NCAM2: variants seen among roughly 807,000 people sequenced by gnomAD.
NCAM2 encodes neural cell adhesion molecule 2.
A neutral mutation model predicts 98.1 loss-of-function variants in NCAM2; 30 were observed. The observed-to-expected ratio is 0.31, with a 90% CI of 0.23 to 0.41. The LOEUF (loss-of-function observed/expected upper bound fraction) is 0.41. Ranked by LOEUF, NCAM2 falls within the 10% of genes least tolerant of loss-of-function variation. The probability of loss-of-function intolerance (pLI) is 1.00; values close to 1 mark genes in which losing one functional copy is unlikely to be tolerated. For synonymous variants in NCAM2, 368 were observed against 342.4 expected, an observed-to-expected ratio of 1.07 and a Z score of -0.83; for missense variants, 867 against 1,005.8, an observed-to-expected ratio of 0.86 and a Z score of 1.87.
chr21:21,056,645 C>A (rs1024660943), intron 1 of NCAM2, among the ~76,000 whole-genome samples: 3 of 151,882 alleles, frequency 2.0e-5, no homozygotes, highest in Non-Finnish European at 2.9e-5. Context: ...AGAGGTGTGA[C>A]ATGGCTCTCC....
At chr21:21,222,249 A>T (rs1159772998) in intron 1 of NCAM2, among the ~76,000 whole-genome samples, 1 of 152,190 alleles carries the variant, frequency 6.6e-6, no homozygotes, top group African/African-American at 2.4e-5. Flanking sequence ...TGTTGTTTTC[A>T]TGCCTGCTAA....
chr21:21,505,318 C>G (rs1281810419), intron 15 of NCAM2, among the ~76,000 whole-genome samples: 1 of 151,996 alleles, frequency 6.6e-6, no homozygotes, highest in Admixed American at 6.6e-5. Flanking sequence ...CACAAGTGAT[C>G]ACACAGTGAG....
chr21:21,425,355 A>C (rs1030096719), intron 11 of NCAM2, among the ~76,000 whole-genome samples: 1 of 152,160 alleles, frequency 6.6e-6, no homozygotes, highest in Non-Finnish European at 1.5e-5. Context: ...TCACTCTTCA[A>C]AATTTTTTTC....
rs1173113392 is a variant in NCAM2, at chr21:21,538,564, A to G, written c.*607A>G. ...AGTGCATTTTCAACATTGATTTTTG[A>G]TAGACTGAAGTGCCAGATCAAAATT... On this transcript the variant is annotated 3_prime_UTR_variant, in exon 18 of 18. Transcript: ENST00000400546. 2.0e-5 allele frequency: 3 copies of G among 152,630 alleles called. No individual in the cohort carries two copies. The highest frequency in any genetic ancestry group is 4.4e-5 in the Non-Finnish European group (3 of 67,998). 9.5% of individuals were successfully genotyped at this position (152,630 alleles called of 1,614,324 possible). A position where few individuals can be genotyped will look rare whatever the true frequency, so the allele number is the denominator to read the frequency against.
chr21:21,060,885 G>A (rs1363906345), intron 1 of NCAM2, among the ~76,000 whole-genome samples: 1 of 152,054 alleles, frequency 6.6e-6, no homozygotes, highest in Non-Finnish European at 1.5e-5. Context: ...CCAGGGCCCA[G>A]GTAAAGAGAT....
chr21:21,380,276 GT>G (rs1267574260), intron 9 of NCAM2, among the ~76,000 whole-genome samples: 1 of 152,034 alleles, frequency 6.6e-6, no homozygotes, highest in African/African-American at 2.4e-5. Context: ...ACATTAAGAG[GT>G]ATTAAAATCT....
At chr21:21,258,907 G>A (rs1463308270) in intron 1 of NCAM2, among the ~76,000 whole-genome samples, 1 of 152,110 alleles carries the variant, frequency 6.6e-6, no homozygotes, top group Non-Finnish European at 1.5e-5. Flanking sequence ...GAAAAGTACA[G>A]CTCCATAAAG....
chr21:21,474,975 G>T (rs1984969994), intron 14 of NCAM2, among the ~76,000 whole-genome samples: 1 of 148,126 alleles, frequency 6.8e-6, no homozygotes, highest in Non-Finnish European at 1.5e-5. Context: ...GTTCTATGTA[G>T]GTCTATATAT....
intron 1 of NCAM2, among the ~76,000 whole-genome samples, chr21:21,071,960 T>G (rs184843917): frequency 2.6e-5 from 4 of 152,088 alleles, no homozygotes; most frequent in Admixed American, 2.6e-4. Context: ...TTGCCCAGGC[T>G]GGAGTGCAGT....
chr21:21,222,196 C>T (rs2070197663), intron 1 of NCAM2, among the ~76,000 whole-genome samples: 1 of 152,168 alleles, frequency 6.6e-6, no homozygotes, highest in African/African-American at 2.4e-5. Context: ...GACAGTGAAT[C>T]TTGTCACCCA....
chr21:21,210,819 A>G, intron 1 of NCAM2: 1 of 323,378 alleles, frequency 3.1e-6, no homozygotes, highest in Non-Finnish European at 5.3e-6. Context: ...TGTAGTTCAA[A>G]GGGATACTTT....
At chr21:21,464,803 A>G (rs1413523466) in intron 12 of NCAM2, among the ~76,000 whole-genome samples, 1 of 152,102 alleles carries the variant, frequency 6.6e-6, no homozygotes, top group Non-Finnish European at 1.5e-5. Flanking sequence ...ATTATATACC[A>G]TTAACTACCA....
intron 1 of NCAM2, among the ~76,000 whole-genome samples, chr21:21,008,775 C>T (rs570881905): frequency 6.6e-6 from 1 of 152,042 alleles, no homozygotes; most frequent in African/African-American, 2.4e-5. Flanking sequence ...GGAGATCTAC[C>T]TTTTGTTTGA....
chr21:21,398,499 C>T (rs537412590), intron 9 of NCAM2, among the ~76,000 whole-genome samples: 7 of 152,002 alleles, frequency 4.6e-5, no homozygotes, highest in East Asian at 1.9e-4. Context: ...CAAAAGAGTT[C>T]GGGATGATTA....
At chr21:21,519,156 G>A (rs1988874845) in intron 16 of NCAM2, among the ~76,000 whole-genome samples, 1 of 152,108 alleles carries the variant, frequency 6.6e-6, no homozygotes, top group Non-Finnish European at 1.5e-5. Flanking sequence ...AAATTATCTA[G>A]GGGCCAAAGT....
intron 9 of NCAM2, among the ~76,000 whole-genome samples, chr21:21,394,091 A>C (rs1002403386): frequency 6.6e-6 from 1 of 152,208 alleles, no homozygotes; most frequent in Non-Finnish European, 1.5e-5. Flanking sequence ...ATCATAAAAT[A>C]TGCTGAGATG....
chr21:21,455,238 A>T (rs1437381034), intron 12 of NCAM2, among the ~76,000 whole-genome samples: 1 of 144,202 alleles, frequency 6.9e-6, no homozygotes, highest in Non-Finnish European at 1.5e-5. Context: ...AAAAAGTTTA[A>T]TTTGTCCTGT....
chr21:21,024,966 C>A (rs2064513308), intron 1 of NCAM2, among the ~76,000 whole-genome samples: 1 of 151,656 alleles, frequency 6.6e-6, no homozygotes, highest in East Asian at 1.9e-4. Context: ...ACTTTCAGGT[C>A]AGAATTTTAT....
At chr21:21,297,327 T>C (rs945187693) in intron 5 of NCAM2, among the ~76,000 whole-genome samples, 4 of 151,874 alleles carry the variant, frequency 2.6e-5, no homozygotes, top group South Asian at 2.1e-4. Flanking sequence ...CGAACAAACA[T>C]TGATATAATC....
Sources: allele counts gnomAD v4.1 joint callset (sites outside exome capture counted in the v4.1 genomes callset), GRCh38; gene constraint gnomAD v4.1.1; transcripts MANE v1.5; gene names NCBI Gene and HGNC (gene_info 2026-07-23, HGNC 2026-07-21).